Variants in NRG1 observed in about 807,000 individuals in gnomAD.
NRG1 encodes the protein pro-neuregulin-1, membrane-bound isoform.
NRG1 carries 18 observed loss-of-function variants against 63.8 expected under a neutral mutation model. The ratio of observed to expected loss-of-function variants is 0.28; its 90% CI spans 0.19 to 0.42. NRG1 has a LOEUF of 0.42. Ranked by LOEUF, NRG1 falls within the 10% of genes least tolerant of loss-of-function variation. NRG1 has a pLI of 1.00. For missense variants in NRG1, 762 were observed against 814.7 expected, an observed-to-expected ratio of 0.94 and a Z score of 0.79; for synonymous variants, 302 against 301.3, an observed-to-expected ratio of 1.00 and a Z score of -0.02.
chr8:31,952,400 C>T (rs418531), intron 1 of NRG1, among the ~76,000 whole-genome samples: 136,925 of 152,300 alleles, frequency 0.9, 62,349 homozygotes, highest in African/African-American at 0.97. Flanking sequence ...AGAGAAGAAG[C>T]AAAATTTGTG....
chr8:31,646,555 A>G (rs866428894), intron 1 of NRG1, among the ~76,000 whole-genome samples: 1 of 152,228 alleles, frequency 6.6e-6, no homozygotes, highest in South Asian at 2.1e-4. Context: ...TTTATCTGGG[A>G]ATTGCCATTA....
At chr8:32,445,171 G>A (rs1308187097) in intron 1 of NRG1, among the ~76,000 whole-genome samples, 2 of 152,142 alleles carry the variant, frequency 1.3e-5, no homozygotes. Flanking sequence ...AAATGGCATA[G>A]TATTTGTACA....
chr8:32,265,218 C>T (rs1486676851), intron 1 of NRG1, among the ~76,000 whole-genome samples: 2 of 151,978 alleles, frequency 1.3e-5, no homozygotes, highest in Non-Finnish European at 2.9e-5. Context: ...ACCTATAGTC[C>T]CAGCTACTCA....
intron 1 of NRG1, among the ~76,000 whole-genome samples, chr8:31,735,039 T>C (rs1814517454): frequency 6.6e-6 from 1 of 152,114 alleles, no homozygotes; most frequent in Admixed American, 6.5e-5. Flanking sequence ...AGCAACTTGG[T>C]AATGGCCTTC....
intron 1 of NRG1, among the ~76,000 whole-genome samples, chr8:32,174,893 T>G (rs1228847449): frequency 6.6e-6 from 1 of 152,192 alleles, no homozygotes; most frequent in Non-Finnish European, 1.5e-5. Context: ...AGCCAAATTC[T>G]ACCGAGGTAC....
intron 1 of NRG1, among the ~76,000 whole-genome samples, chr8:31,694,353 CT>C (rs1226955285): frequency 3.3e-5 from 5 of 152,234 alleles, no homozygotes; most frequent in African/African-American, 1.2e-4. Flanking sequence ...TTCTCTGTGT[CT>C]AGAGAATTGT....
At chr8:31,843,877 A>C (rs758196632) in intron 1 of NRG1, among the ~76,000 whole-genome samples, 10 of 152,132 alleles carry the variant, frequency 6.6e-5, no homozygotes, top group Non-Finnish European at 1.2e-4. Context: ...GGTCATTGTC[A>C]ATGTGGTAAG....
rs551664567 is a variant in NRG1 at position 32,205,574 on chromosome 8, G to A, written c.38-390254G>A. On this transcript the variant is annotated intron_variant, in intron 1 of 10. Coordinates refer to the NRG1 transcript ENST00000519301. ...TCTCTGGCATTGTGAACAAAAAGAG[G>A]AATTAACTCAAAAAGACTAATTTTA... Among the ~76,000 whole-genome samples the A allele has an allele frequency of 7.7e-4, 117 of 152,180 alleles. 1 individual carries two copies. The highest frequency in any genetic ancestry group is 1.5e-3 in the Non-Finnish European group (105 of 68,004).
intron 1 of NRG1, among the ~76,000 whole-genome samples, chr8:32,013,560 A>C (rs1449463729): frequency 1.3e-5 from 2 of 152,114 alleles, no homozygotes; most frequent in Admixed American, 1.3e-4. Context: ...ACAGAGAACC[A>C]CCAGCCCTGA....
At chr8:32,298,796 A>G (rs1346688447) in intron 1 of NRG1, among the ~76,000 whole-genome samples, 2 of 151,706 alleles carry the variant, frequency 1.3e-5, no homozygotes, top group African/African-American at 2.4e-5. Flanking sequence ...TGGGAGGCCA[A>G]GGCGGGCGGA....
intron 1 of NRG1, among the ~76,000 whole-genome samples, chr8:31,876,370 G>C (rs1001339660): frequency 6.6e-6 from 1 of 152,174 alleles, no homozygotes; most frequent in African/African-American, 2.4e-5. Context: ...ATTTCTGTTT[G>C]AGGTTGGAAA....
chr8:32,564,461 A>G (rs1242974826), intron 1 of NRG1, among the ~76,000 whole-genome samples: 1 of 152,226 alleles, frequency 6.6e-6, no homozygotes, highest in African/African-American at 2.4e-5. Flanking sequence ...AAGCATCATT[A>G]TTTCTAGTAC....
At chr8:31,695,762 G>C (rs964124660) in intron 1 of NRG1, among the ~76,000 whole-genome samples, 2 of 152,160 alleles carry the variant, frequency 1.3e-5, no homozygotes, top group Non-Finnish European at 2.9e-5. Context: ...AGATAGGGGG[G>C]TTGAAAGTTG....
At chr8:31,805,160 TG>T (rs1231081668) in intron 1 of NRG1, among the ~76,000 whole-genome samples, 2 of 152,164 alleles carry the variant, frequency 1.3e-5, no homozygotes, top group Non-Finnish European at 2.9e-5. Context: ...TCTTATATAT[TG>T]GTGACTTTAG....
chr8:32,282,011 C>A (rs941477803), intron 1 of NRG1, among the ~76,000 whole-genome samples: 2 of 152,076 alleles, frequency 1.3e-5, no homozygotes, highest in African/African-American at 4.8e-5. Context: ...TCAAGAAAAA[C>A]AACTGCCTTT....
At chr8:31,861,919 A>G (rs1828510214) in intron 1 of NRG1, among the ~76,000 whole-genome samples, 1 of 152,180 alleles carries the variant, frequency 6.6e-6, no homozygotes, top group African/African-American at 2.4e-5. Context: ...AAAAAAAATC[A>G]GGTACCTCCT....
At chr8:31,741,749 G>A (rs1815299352) in intron 1 of NRG1, among the ~76,000 whole-genome samples, 1 of 151,920 alleles carries the variant, frequency 6.6e-6, no homozygotes. Context: ...ATACTGCTTT[G>A]GGGTATACAA....
chr8:32,320,220 T>C (rs1307439532), intron 1 of NRG1, among the ~76,000 whole-genome samples: 1 of 152,192 alleles, frequency 6.6e-6, no homozygotes, highest in Non-Finnish European at 1.5e-5. Context: ...ATATTGTAGG[T>C]ACTTCATGGA....
intron 1 of NRG1, among the ~76,000 whole-genome samples, chr8:32,079,459 G>A (rs1004503551): frequency 6.6e-6 from 1 of 152,118 alleles, no homozygotes; most frequent in Non-Finnish European, 1.5e-5. Context: ...TACAGATGTG[G>A]AAACTAATAC....
Sources: gnomAD v4.1 joint callset for allele counts (sites outside exome capture counted in the v4.1 genomes callset) on GRCh38, gnomAD v4.1.1 for gene constraint, MANE v1.5 for transcripts, NCBI Gene and HGNC (gene_info 2026-07-23, HGNC 2026-07-21) for gene names.